SYNE1: variants seen among roughly 807,000 people sequenced by gnomAD.
SYNE1 encodes the protein nesprin-1.
Under a neutral mutation model 1,111.0 loss-of-function variants are expected in SYNE1, and 616 were observed. The observed-to-expected ratio is 0.55, with a 90% CI of 0.52 to 0.59. SYNE1 has a LOEUF of 0.59. Ranked by LOEUF, SYNE1 falls within the 20% of genes least tolerant of loss-of-function variation. The pLI, the probability that SYNE1 is intolerant of heterozygous loss-of-function variation, is 0.00. For missense variants in SYNE1, 10,006 were observed against 10,417.0 expected (o/e 0.96, Z 1.72); for synonymous variants, 3,855 against 3,825.8 (o/e 1.01, Z -0.28).
Position 152,331,830 on chromosome 6 carries a change from C to A in SYNE1, c.12855G>T (p.Leu4285Phe). ...LEALKKLALA[L>F]QERKYAIEDL... ...CTTCAATAGCATACTTTCTCTCCTGCAATGCCAATGCTAACTTTTTCAAAG... is the reference window on the plus strand; with the variant it reads ...CTTCAATAGCATACTTTCTCTCCTGAAATGCCAATGCTAACTTTTTCAAAG... The change falls in exon 78 of 146, where the codon TTG (leucine) becomes TTT (phenylalanine). Residue 4285 changes from leucine to phenylalanine, a missense_variant. Leu to Phe is a conservative substitution (Grantham distance 22, BLOSUM62 0). Transcript: ENST00000367255. The A allele has an allele frequency of 6.2e-7, 1 of 1,614,036 alleles. No homozygotes were observed. Among genetic ancestry groups the A allele is most frequent in the Non-Finnish European group, 8.5e-7 (1 of 1,180,046 alleles).
At chr6:152,600,020 C>G (rs1463874251) in intron 3 of SYNE1, among the ~76,000 whole-genome samples, 1 of 152,176 alleles carries the variant, frequency 6.6e-6, no homozygotes, top group Non-Finnish European at 1.5e-5. Flanking sequence ...TCAGTAAATT[C>G]TATAAAATGT....
At chr6:152,160,926 C>G (rs1032321290) in intron 131 of SYNE1, among the ~76,000 whole-genome samples, 1 of 151,752 alleles carries the variant, frequency 6.6e-6, no homozygotes, top group Non-Finnish European at 1.5e-5. Flanking sequence ...GCATGTTTTT[C>G]ATTTTAGATA....
At chr6:152,390,570 A>G (rs2097595511) in intron 52 of SYNE1, 118 bp from the exon 53 acceptor site, 2 of 1,039,762 alleles carry the variant, frequency 1.9e-6, no homozygotes, top group South Asian at 1.4e-5. Context: ...TTAAAATGAA[A>G]ACAACAAACT....
At chr6:152,317,672 A>C (rs549031405) in intron 86 of SYNE1, among the ~76,000 whole-genome samples, 21 of 152,218 alleles carry the variant, frequency 1.4e-4, no homozygotes, top group Admixed American at 1.2e-3. Context: ...GTCTATATGC[A>C]ACAATTATTA....
intron 3 of SYNE1, among the ~76,000 whole-genome samples, chr6:152,543,466 A>G (rs2099283726): frequency 6.6e-6 from 1 of 152,246 alleles, no homozygotes; most frequent in South Asian, 2.1e-4. Flanking sequence ...TAAATCTGAT[A>G]CCAACAACAT....
chr6:152,253,494 G>A (rs1037640076), intron 104 of SYNE1, among the ~76,000 whole-genome samples: 5 of 152,150 alleles, frequency 3.3e-5, no homozygotes, highest in Admixed American at 1.3e-4. Context: ...CAAGGTTCAT[G>A]GAAGTCAAGC....
At chr6:152,374,094 TA>T (rs1408914181) in intron 58 of SYNE1, among the ~76,000 whole-genome samples, 1 of 152,158 alleles carries the variant, frequency 6.6e-6, no homozygotes, top group Non-Finnish European at 1.5e-5. Flanking sequence ...GCAGCTTATA[TA>T]AAAAAATAAC....
At chr6:152,636,104 C>T (rs895815742) in intron 2 of SYNE1, among the ~76,000 whole-genome samples, 1 of 152,234 alleles carries the variant, frequency 6.6e-6, no homozygotes, top group African/African-American at 2.4e-5. Context: ...TTCTCTTGCC[C>T]TCTAGTGCAG....
chr6:152,628,369 C>T lies in SYNE1; in HGVS notation c.-38G>A. Reference sequence around the variant, plus strand: ...AGCACGAAGCCAACACCAAGAGACTCTTCACTGGAGGCAGCACAGGGCTAC... The same window carrying T: ...AGCACGAAGCCAACACCAAGAGACTTTTCACTGGAGGCAGCACAGGGCTAC... On this transcript the variant is annotated 5_prime_UTR_variant, in exon 3 of 146. Transcript: ENST00000367255. 1 of 1,604,882 alleles carries T rather than the reference C, an allele frequency of 6.2e-7. No homozygotes were observed.
chr6:152,631,889 G>C (rs1202944632), intron 2 of SYNE1, among the ~76,000 whole-genome samples: 1 of 152,056 alleles, frequency 6.6e-6, no homozygotes, highest in Non-Finnish European at 1.5e-5. Context: ...CATATCTTTG[G>C]AACAACTCAG....
intron 127 of SYNE1, among the ~76,000 whole-genome samples, chr6:152,200,633 T>C (rs541251250): frequency 6.6e-6 from 1 of 152,308 alleles, no homozygotes; most frequent in East Asian, 1.9e-4. Flanking sequence ...TGGTCTCAAA[T>C]GATCTGTTTG....
rs112853992 is a variant in SYNE1 at position 152,399,827 on chromosome 6, C to T, written c.7030-4G>A. 6.2e-7 allele frequency: 1 copy of T among 1,613,474 alleles called. No homozygotes were observed. Among genetic ancestry groups the T allele is most frequent in the Non-Finnish European group, 8.5e-7 (1 of 1,179,494 alleles). On this transcript the variant is annotated splice_polypyrimidine_tract_variant and splice_region_variant and intron_variant, in intron 47 of 145. Coordinates refer to ENST00000367255, the MANE Select transcript of SYNE1 (RefSeq NM_182961.4). The stretch of plus-strand genomic sequence containing the variant: ...TTTGAAGTTCTTTTTGTATATCCTA[C>T]AGAATAAAAGTATATTATGAAGGAT...
chr6:152,315,285 T>G (rs2095684794), intron 87 of SYNE1: 1 of 136,718 alleles, frequency 7.3e-6, no homozygotes, highest in African/African-American at 2.7e-5. Context: ...CACTGCAACC[T>G]CCACCTCCCG....
chr6:152,310,522 G>C lies in SYNE1; in HGVS notation c.16897-4C>G. ...CTGCTTCAAATTTTTTCATATCCTAGAGAGTCAATATCAATGTATTGTACT... is the reference window on the plus strand; with the variant it reads ...CTGCTTCAAATTTTTTCATATCCTACAGAGTCAATATCAATGTATTGTACT... On this transcript the variant is annotated splice_polypyrimidine_tract_variant and splice_region_variant and intron_variant, in intron 88 of 145. Coordinates refer to ENST00000367255, the MANE Select transcript of SYNE1 (RefSeq NM_182961.4). 1.9e-6 allele frequency: 3 copies of C among 1,613,914 alleles called. No individual in the cohort carries two copies. Among genetic ancestry groups the C allele is most frequent in the Non-Finnish European group, 2.5e-6 (3 of 1,180,014 alleles).
intron 131 of SYNE1, 62 bp downstream of exon 131, chr6:152,164,101 A>G (rs2063115308): frequency 1.2e-6 from 2 of 1,604,274 alleles, no homozygotes; most frequent in Non-Finnish European, 8.5e-7. Context: ...CCACCCCATC[A>G]TCCTGGCCAG....
At chr6:152,509,248 C>CTTTTTTTTTTTTTTTTTT (rs11305679) in intron 8 of SYNE1, among the ~76,000 whole-genome samples, 2 of 75,784 alleles carry the variant, frequency 2.6e-5, no homozygotes, top group Non-Finnish European at 5.3e-5. Context: ...TTTTCTTTTT[C>CTTTTTTTTTTTTTTTTTT]TTTTTTTTTT....
intron 108 of SYNE1, 107 bp from the exon 109 acceptor site, chr6:152,237,055 C>G: frequency 6.8e-7 from 1 of 1,471,614 alleles, no homozygotes; most frequent in Non-Finnish European, 9.2e-7. Context: ...AAAGTTATAT[C>G]AGAGATGTTT....
Position 152,430,597 on chromosome 6 carries a change from T to C in SYNE1, c.4574A>G (p.Lys1525Arg), listed in dbSNP as rs2098419867. The C allele has an allele frequency of 1.2e-6, 2 of 1,614,062 alleles. No homozygotes were observed. Among genetic ancestry groups the C allele is most frequent in the African/African-American group, 2.7e-5 (2 of 74,946 alleles). Reference sequence around the variant, plus strand: ...CCCGTATCTTCTTATTTGTGTCAACTTGGCTTTAATTCGAGCAGATTCTCC... The same window carrying C: ...CCCGTATCTTCTTATTTGTGTCAACCTGGCTTTAATTCGAGCAGATTCTCC... The part of the protein sequence containing the change: ...TTGESARIKA[K>R]LTQIRRYGEE... Residue 1525 changes from lysine to arginine, a missense_variant, in exon 35 of 146, where the codon AAG (lysine) becomes AGG (arginine). Coordinates refer to ENST00000367255, the MANE Select transcript of SYNE1 (RefSeq NM_182961.4).
intron 128 of SYNE1, among the ~76,000 whole-genome samples, chr6:152,184,744 C>G (rs762947424): frequency 3.3e-5 from 5 of 152,054 alleles, no homozygotes; most frequent in African/African-American, 1.2e-4. Context: ...TTTCTTACCA[C>G]GGAGCTACAC....
Sources: gnomAD v4.1 joint callset for allele counts (sites outside exome capture counted in the v4.1 genomes callset) on GRCh38, gnomAD v4.1.1 for gene constraint, MANE v1.5 for transcripts, NCBI Gene and HGNC (gene_info 2026-07-23, HGNC 2026-07-21) for gene names.